TMEM132C: variants seen among roughly 807,000 people sequenced by gnomAD.
The protein encoded by TMEM132C is protein phosphatase 1, regulatory subunit 152.
Under a neutral mutation model 61.4 loss-of-function variants are expected in TMEM132C, and 29 were observed. The ratio of observed to expected loss-of-function variants is 0.47; its 90% confidence interval spans 0.35 to 0.64. TMEM132C has a LOEUF of 0.64. Among genes scored for constraint, TMEM132C ranks in the 30% least tolerant of loss-of-function variants. The pLI is 0.00. For synonymous variants in TMEM132C, 656 were observed against 633.1 expected (o/e 1.04, Z -0.54); for missense variants, 1,408 against 1,476.9 (o/e 0.95, Z 0.76).
At chr12:128,591,949 G>A (rs756125889) in intron 3 of TMEM132C, among the ~76,000 whole-genome samples, 1 of 151,836 alleles carries the variant, frequency 6.6e-6, no homozygotes, top group African/African-American at 2.4e-5. Context: ...CTACTCAGGA[G>A]GCTGAGGCAG....
intron 1 of TMEM132C, among the ~76,000 whole-genome samples, chr12:128,403,036 C>T (rs147047020): frequency 1.3e-3 from 202 of 152,268 alleles, no homozygotes; most frequent in Non-Finnish European, 2.3e-3. Flanking sequence ...GAGAGCTTGA[C>T]GGTTACGAAA....
At chr12:128,544,884 A>C (rs987508865) in intron 3 of TMEM132C, among the ~76,000 whole-genome samples, 1 of 152,244 alleles carries the variant, frequency 6.6e-6, no homozygotes, top group South Asian at 2.1e-4. Context: ...ATAGCTTTAT[A>C]ATATTCATCA....
chr12:128,697,454 T>C, intron 8 of TMEM132C, 39 bp downstream of exon 8: 1 of 1,494,058 alleles, frequency 6.7e-7, no homozygotes, highest in Non-Finnish European at 9.0e-7. Flanking sequence ...GGGAGCAGGG[T>C]CAGCCACTGT....
intron 7 of TMEM132C, 110 bp from the exon 8 acceptor site, chr12:128,697,114 C>T: frequency 3.1e-6 from 3 of 956,364 alleles, no homozygotes; most frequent in Non-Finnish European, 4.5e-6. Context: ...CTCCTTTGCC[C>T]TGTATTCTGG....
intron 1 of TMEM132C, among the ~76,000 whole-genome samples, chr12:128,320,107 A>G (rs1441402545): frequency 6.6e-6 from 1 of 152,202 alleles, no homozygotes; most frequent in African/African-American, 2.4e-5. Context: ...TTAGTTAGGA[A>G]CGCTCCTGTT....
At chr12:128,482,873 C>T (rs1353634484) in intron 2 of TMEM132C, among the ~76,000 whole-genome samples, 1 of 152,052 alleles carries the variant, frequency 6.6e-6, no homozygotes, top group Admixed American at 6.6e-5. Context: ...AGCAAGAGTC[C>T]AGCACATCCC....
chr12:128,559,175 A>T (rs1874431021), intron 3 of TMEM132C, among the ~76,000 whole-genome samples: 1 of 151,386 alleles, frequency 6.6e-6, no homozygotes, highest in Non-Finnish European at 1.5e-5. Context: ...AAACACACAC[A>T]CAGACACACA....
chr12:128,317,761 T>G (rs1355378842), intron 1 of TMEM132C, among the ~76,000 whole-genome samples: 1 of 152,196 alleles, frequency 6.6e-6, no homozygotes, highest in African/African-American at 2.4e-5. Context: ...GACACCCACC[T>G]GTAGTCCTAG....
chr12:128,599,112 G>A (rs1357104139), intron 3 of TMEM132C, among the ~76,000 whole-genome samples: 3 of 152,074 alleles, frequency 2.0e-5, no homozygotes, highest in Admixed American at 2.0e-4. Context: ...GTTCCTCTGC[G>A]GCTGCAGCTC....
intron 1 of TMEM132C, among the ~76,000 whole-genome samples, chr12:128,406,386 A>T (rs1005097786): frequency 1.3e-5 from 2 of 152,212 alleles, no homozygotes; most frequent in African/African-American, 2.4e-5. Flanking sequence ...TAAACACACT[A>T]TCCTTTTTCC....
chr12:128,616,079 G>A, intron 3 of TMEM132C, 73 bp from the exon 4 acceptor site: 1 of 1,472,482 alleles, frequency 6.8e-7, no homozygotes, highest in Middle Eastern at 1.8e-4. Flanking sequence ...TTTATCTTCT[G>A]CGTACTATTA....
Position 128,615,939 on chromosome 12 carries a change from T to C in TMEM132C, c.1122-213T>C, listed in dbSNP as rs147348437. Among the ~76,000 whole-genome samples, 24 of 152,338 alleles carry C rather than the reference T, an allele frequency of 1.6e-4. No homozygotes were observed. In the East Asian group the frequency reaches 2.9e-3, roughly 18 times the overall value. The stretch of plus-strand genomic sequence containing the variant: ...CAGGTTACTGCTCATTGTTGAATAT[T>C]CTTGGCCCATATCCTTAACTTGTGG... On this transcript the variant is annotated intron_variant, in intron 3 of 8. Transcript: ENST00000435159.
In TMEM132C at chr12:128,340,847, C is replaced by T. The variant is rs111249914; in HGVS notation, c.85+73360C>T. Among the ~76,000 whole-genome samples, 1,179 of 142,136 alleles carry T rather than the reference C, an allele frequency of 8.3e-3. 28 individuals are homozygous for T. The highest frequency in any genetic ancestry group is 0.03 in the African/African-American group (1,120 of 37,154). The allele number at this position is 142,136 out of a possible 152,430, so 93.2% of individuals were successfully genotyped here. ...TCTGTCTTTCTCTCTCTCTCTTTCTCTCTTTCTTTCTTCCTTCCTTCCTTC... is the reference window on the plus strand; with the variant it reads ...TCTGTCTTTCTCTCTCTCTCTTTCTTTCTTTCTTTCTTCCTTCCTTCCTTC... On this transcript the variant is annotated intron_variant, in intron 1 of 8. Coordinates refer to ENST00000435159, the MANE Select transcript of TMEM132C (RefSeq NM_001136103.3).
intron 1 of TMEM132C, chr12:128,289,161 T>TACAC (rs10529991): frequency 0.93 from 141,618 of 152,132 alleles, 66,433 homozygotes; most frequent in East Asian, 1. Flanking sequence ...TGCACGCTCA[T>TACAC]ACGCATGCAC....
At chr12:128,325,572 G>A (rs2135939497) in intron 1 of TMEM132C, among the ~76,000 whole-genome samples, 1 of 152,238 alleles carries the variant, frequency 6.6e-6, no homozygotes, top group South Asian at 2.1e-4. Flanking sequence ...CTTCATGAAA[G>A]TTACTTAAAA....
chr12:128,448,922 G>A (rs951018036), intron 2 of TMEM132C, among the ~76,000 whole-genome samples: 2 of 151,848 alleles, frequency 1.3e-5, no homozygotes, highest in Non-Finnish European at 2.9e-5. Flanking sequence ...CGGATCACGA[G>A]GTCAGGAGAT....
At chr12:128,605,373 C>T (rs573114768) in intron 3 of TMEM132C, among the ~76,000 whole-genome samples, 1 of 152,250 alleles carries the variant, frequency 6.6e-6, no homozygotes, top group South Asian at 2.1e-4. Flanking sequence ...TGGGGAGAGT[C>T]AGCCCTTTTG....
chr12:128,544,117 T>TCCCTG lies in TMEM132C; in HGVS notation c.1121+16_1121+20dup. On this transcript the variant is annotated intron_variant, in intron 3 of 8. Coordinates refer to ENST00000435159, the MANE Select transcript of TMEM132C (RefSeq NM_001136103.3). ...CCCACGCAACAGGTAAGCGGTGCCC[T>TCCCTG]CCCTGCAAGCGTGTGTGGTTCCTGG... 1 of 1,514,194 alleles carries TCCCTG rather than the reference T, an allele frequency of 6.6e-7. No individual in the cohort carries two copies. The highest frequency in any genetic ancestry group is 2.1e-4 in the Middle Eastern group (1 of 4,868). The allele number at this position is 1,514,194 out of a possible 1,614,324, so 93.8% of individuals were successfully genotyped here.
chr12:128,553,952 G>T (rs7964264), intron 3 of TMEM132C, among the ~76,000 whole-genome samples: 1 of 152,160 alleles, frequency 6.6e-6, no homozygotes, highest in South Asian at 2.1e-4. Context: ...TGCAGCTCCG[G>T]GGGTGTCTGT....
Sources: allele counts gnomAD v4.1 joint callset (sites outside exome capture counted in the v4.1 genomes callset), GRCh38; gene constraint gnomAD v4.1.1; transcripts MANE v1.5; gene names NCBI Gene and HGNC (gene_info 2026-07-23, HGNC 2026-07-21).